RPH3A: variants seen among roughly 807,000 people sequenced by gnomAD.
The protein encoded by RPH3A is rabphilin 3A.
A neutral mutation model predicts 102.2 loss-of-function variants in RPH3A; 48 were observed. That is an observed-to-expected ratio of 0.47 (90% CI 0.37 to 0.60). The LOEUF (loss-of-function observed/expected upper bound fraction) is 0.60, where lower values mean the gene tolerates loss of function less well. Ranked by LOEUF, RPH3A falls within the 20% of genes least tolerant of loss-of-function variation. The pLI is 0.00. For synonymous variants in RPH3A, 310 were observed against 324.3 expected (o/e 0.96, Z 0.47); for missense variants, 781 against 910.1 (o/e 0.86, Z 1.83).
At position 112,795,048 on chromosome 12, in the gene RPH3A, T is replaced by G. The variant is rs527259342; in HGVS notation, c.-19+2785T>G. ...GTGCCCCCAGCCTACTCTGCCTTTC[T>G]CCTTCTTATTGCTCCGTACACAGAC... On this transcript the variant is annotated intron_variant, in intron 2 of 21. Transcript: ENST00000389385. 8.8e-4 allele frequency among the ~76,000 whole-genome samples: 134 copies of G among 152,354 alleles called. 1 individual carries two copies. The highest frequency in any genetic ancestry group is 2.9e-3 in the African/African-American group (121 of 41,582).
At chr12:112,675,589 G>T (rs73417171) in intron 1 of RPH3A, among the ~76,000 whole-genome samples, 1 of 152,118 alleles carries the variant, frequency 6.6e-6, no homozygotes, top group South Asian at 2.1e-4. Context: ...ATTCAAAAGC[G>T]CATTCTTTTA....
intron 3 of RPH3A, among the ~76,000 whole-genome samples, chr12:112,832,313 ATTAT>A (rs1242439547): frequency 1.3e-5 from 2 of 152,174 alleles, no homozygotes; most frequent in African/African-American, 2.4e-5. Context: ...ATTTCTAAAA[ATTAT>A]TCATTCATTT....
At chr12:112,875,887 A>C in intron 12 of RPH3A, 146 bp downstream of exon 12, 1 of 613,876 alleles carries the variant, frequency 1.6e-6, no homozygotes, top group Non-Finnish European at 2.8e-6. Flanking sequence ...CGAGTCTAAA[A>C]CTTTAGATAG....
chr12:112,598,615 A>G (rs2039535529), intron 1 of RPH3A, among the ~76,000 whole-genome samples: 1 of 152,172 alleles, frequency 6.6e-6, no homozygotes, highest in Non-Finnish European at 1.5e-5. Flanking sequence ...GGAGACTGAA[A>G]AGTGAAAAAT....
intron 2 of RPH3A, among the ~76,000 whole-genome samples, chr12:112,822,749 C>T (rs775580532): frequency 6.6e-5 from 10 of 152,236 alleles, no homozygotes; most frequent in Non-Finnish European, 1.3e-4. Flanking sequence ...CTTTCCTCAA[C>T]TCAGTTATCC....
intron 1 of RPH3A, among the ~76,000 whole-genome samples, chr12:112,661,923 TGAGGTG>T (rs2040051309): frequency 6.6e-6 from 1 of 152,122 alleles, no homozygotes; most frequent in African/African-American, 2.4e-5. Flanking sequence ...CAGCTGCACC[TGAGGTG>T]CAGCTGTACA....
chr12:112,713,043 CTTCTTCTCCT>C (rs2040487176), intron 1 of RPH3A, among the ~76,000 whole-genome samples: 2 of 76,398 alleles, frequency 2.6e-5, no homozygotes, highest in African/African-American at 1.3e-4. Context: ...TCTTCTTCTT[CTTCTTCTCCT>C]TCTTCTTCTT....
At chr12:112,843,922 T>C (rs1202414342) in intron 4 of RPH3A, among the ~76,000 whole-genome samples, 1 of 152,114 alleles carries the variant, frequency 6.6e-6, no homozygotes, top group African/African-American at 2.4e-5. Flanking sequence ...AGGAGTCCAC[T>C]GTATCCTTTA....
At chr12:112,773,106 T>TTA (rs1042227178) in intron 1 of RPH3A, among the ~76,000 whole-genome samples, 7 of 150,846 alleles carry the variant, frequency 4.6e-5, no homozygotes, top group African/African-American at 1.7e-4. Context: ...CATATATATA[T>TTA]TATATATATA....
chr12:112,879,976 T>C lies in RPH3A; in HGVS notation c.1251+778T>C, dbSNP rs149700650. On this transcript the variant is annotated intron_variant, in intron 14 of 21. Transcript: ENST00000389385. ...AGTGTATCTCCCATAAGGATAGTTG[T>C]GCGCACATGTTCCAGTGTTCCCAGG... Among the ~76,000 whole-genome samples, 344 of 152,346 alleles carry C rather than the reference T, an allele frequency of 2.3e-3. 5 individuals carry two copies. The highest frequency in any genetic ancestry group is 0.015 in the Admixed American group (232 of 15,304).
At chr12:112,798,895 CT>C (rs2041286949) in intron 2 of RPH3A, among the ~76,000 whole-genome samples, 1 of 152,082 alleles carries the variant, frequency 6.6e-6, no homozygotes. Context: ...CCTTTTCTCT[CT>C]CTCTCTCCGT....
At chr12:112,675,556 TG>T (rs2040168746) in intron 1 of RPH3A, among the ~76,000 whole-genome samples, 1 of 152,224 alleles carries the variant, frequency 6.6e-6, no homozygotes, top group Admixed American at 6.5e-5. Flanking sequence ...AGGCAAAGCC[TG>T]GGTTTAACAC....
intron 2 of RPH3A, among the ~76,000 whole-genome samples, chr12:112,808,441 A>G (rs2041510108): frequency 1.3e-5 from 2 of 152,238 alleles, no homozygotes; most frequent in African/African-American, 4.8e-5. Flanking sequence ...AAGAGCAAGC[A>G]GTAAGTGCTC....
At chr12:112,668,923 G>A (rs1007234738) in intron 1 of RPH3A, among the ~76,000 whole-genome samples, 67 of 151,976 alleles carry the variant, frequency 4.4e-4, no homozygotes, top group African/African-American at 1.6e-3. Flanking sequence ...TATTTTTTGG[G>A]TTCAGAATAG....
intron 1 of RPH3A, among the ~76,000 whole-genome samples, chr12:112,775,408 C>T (rs928477833): frequency 1.3e-5 from 2 of 151,928 alleles, no homozygotes; most frequent in African/African-American, 4.8e-5. Flanking sequence ...CCTGGGAATC[C>T]AGGGATGACT....
chr12:112,848,837 A>G (rs1159611311), intron 5 of RPH3A, among the ~76,000 whole-genome samples: 1 of 152,014 alleles, frequency 6.6e-6, no homozygotes, highest in African/African-American at 2.4e-5. Flanking sequence ...GGGCATCATC[A>G]GGGTGGGAGG....
At chr12:112,757,314 G>A (rs914930056) in intron 1 of RPH3A, among the ~76,000 whole-genome samples, 11 of 152,212 alleles carry the variant, frequency 7.2e-5, no homozygotes, top group East Asian at 1.9e-4. Flanking sequence ...AGAGGCTGAG[G>A]TAACAAGGTC....
chr12:112,891,002 C>G lies in RPH3A; in HGVS notation c.1774C>G (p.Leu592Val), dbSNP rs1291709332. ...ANGYSDPFVK[L>V]WLKPDMGKKA... ...TGGCTACTCAGACCCATTCGTCAAG[C>G]TGTAAGTCAATGCCTTGGGGCTACA... The change falls in exon 19 of 22, where the codon CTC becomes GTC. Residue 592 changes from leucine (L) to valine (V), a missense_variant and splice_region_variant. By Grantham distance (32) the Leu-to-Val change is conservative. Coordinates refer to ENST00000389385, the MANE Select transcript of RPH3A (RefSeq NM_001143854.2). 31 of 1,614,092 alleles carry G rather than the reference C, an allele frequency of 1.9e-5. No individual in the cohort carries two copies. The highest frequency in any genetic ancestry group is 2.4e-5 in the Non-Finnish European group (28 of 1,179,974).
intron 1 of RPH3A, among the ~76,000 whole-genome samples, chr12:112,646,323 C>T (rs543214821): frequency 7.2e-5 from 11 of 152,108 alleles, no homozygotes; most frequent in Admixed American, 6.5e-4. Flanking sequence ...AGTAAGTAGC[C>T]CTAAAGGTGA....
Sources: allele counts gnomAD v4.1 joint callset (sites outside exome capture counted in the v4.1 genomes callset), GRCh38; gene constraint gnomAD v4.1.1; transcripts MANE v1.5; gene names NCBI Gene and HGNC (gene_info 2026-07-23, HGNC 2026-07-21).